Variants in KIRREL1 observed in about 807,000 individuals in gnomAD.
The protein encoded by KIRREL1 is kin of IRRE-like protein 1.
In KIRREL1, 25 loss-of-function variants were observed where a neutral mutation model predicts 83.3. That is an observed-to-expected ratio of 0.30 (90% CI 0.22 to 0.42). The LOEUF (loss-of-function observed/expected upper bound fraction) is 0.42. KIRREL1 is among the 10% of genes least tolerant of loss of function. The pLI is 1.00. For missense variants in KIRREL1, 812 were observed against 1,032.3 expected, an observed-to-expected ratio of 0.79 and a Z score of 2.92; for synonymous variants, 388 against 410.4, an observed-to-expected ratio of 0.95 and a Z score of 0.66.
intron 1 of KIRREL1, among the ~76,000 whole-genome samples, chr1:158,006,329 C>T (rs559593797): frequency 6.6e-6 from 1 of 152,302 alleles, no homozygotes; most frequent in South Asian, 2.1e-4. Context: ...TTCTTTGTGT[C>T]TAGCCTGAAC....
chr1:157,994,218 C>G (rs913301838), intron 1 of KIRREL1, among the ~76,000 whole-genome samples: 2 of 152,148 alleles, frequency 1.3e-5, no homozygotes, highest in Admixed American at 1.3e-4. Flanking sequence ...CCAGCCCAGC[C>G]CCTCGGGGGT....
chr1:158,018,814 T>C (rs1454666577), intron 1 of KIRREL1, among the ~76,000 whole-genome samples: 1 of 152,184 alleles, frequency 6.6e-6, no homozygotes, highest in Non-Finnish European at 1.5e-5. Flanking sequence ...AATCCCAGGC[T>C]GCTTTTTGCC....
intron 1 of KIRREL1, among the ~76,000 whole-genome samples, chr1:158,031,725 C>T (rs1660331834): frequency 1.3e-5 from 2 of 152,126 alleles, no homozygotes; most frequent in South Asian, 2.1e-4. Flanking sequence ...AGTTTTAGTC[C>T]TTGTATTTTG....
intron 1 of KIRREL1, among the ~76,000 whole-genome samples, chr1:158,014,068 G>A (rs1659758235): frequency 6.6e-6 from 1 of 152,100 alleles, no homozygotes; most frequent in Admixed American, 6.5e-5. Context: ...AGATATGGGA[G>A]AGGGCTTAGT....
At chr1:158,002,361 C>A (rs1391848378) in intron 1 of KIRREL1, among the ~76,000 whole-genome samples, 7 of 152,190 alleles carry the variant, frequency 4.6e-5, no homozygotes, top group South Asian at 2.1e-4. Context: ...CGGGTTTAGT[C>A]CCTTCAGGGT....
At chr1:158,086,423 A>AACACACACACACAC (rs61585802) in intron 4 of KIRREL1, among the ~76,000 whole-genome samples, 173 bp from the exon 5 acceptor site, 1 of 148,294 alleles carries the variant, frequency 6.7e-6, no homozygotes, top group Non-Finnish European at 1.5e-5. Context: ...CTATTGATTA[A>AACACACACACACAC]ACACACACAC....
At chr1:158,066,161 A>T (rs1393405826) in intron 1 of KIRREL1, among the ~76,000 whole-genome samples, 1 of 152,022 alleles carries the variant, frequency 6.6e-6, no homozygotes, top group Non-Finnish European at 1.5e-5. Context: ...TGCCAAAGCC[A>T]CCGGGAATTT....
rs115936398 is a variant in KIRREL1, at chr1:157,996,870, C to A, written c.52+3142C>A. ...TGAACCAAGTACTCAGTGCCTCAGC[C>A]CTGGGCCCCAGAGCACCTGGTCAGG... On this transcript the variant is annotated intron_variant, in intron 1 of 14. Coordinates refer to ENST00000359209, the MANE Select transcript of KIRREL1 (RefSeq NM_018240.7). 7.0e-3 allele frequency among the ~76,000 whole-genome samples: 1,070 copies of A among 152,150 alleles called. 13 individuals are homozygous for A. The highest frequency in any genetic ancestry group is 0.025 in the African/African-American group (1,024 of 41,498).
chr1:158,092,622 C>T (rs1443798322), intron 11 of KIRREL1, among the ~76,000 whole-genome samples: 2 of 152,196 alleles, frequency 1.3e-5, no homozygotes, highest in East Asian at 3.9e-4. Flanking sequence ...GCTGGGATTA[C>T]AGGCATGAGC....
intron 1 of KIRREL1, among the ~76,000 whole-genome samples, chr1:158,056,575 G>C (rs1299828440): frequency 6.6e-6 from 1 of 152,150 alleles, no homozygotes; most frequent in East Asian, 1.9e-4. Context: ...TGTGCCTATG[G>C]CCTTCACCCT....
chr1:158,047,588 G>T (rs1660808328), intron 1 of KIRREL1, among the ~76,000 whole-genome samples: 1 of 152,146 alleles, frequency 6.6e-6, no homozygotes, highest in East Asian at 1.9e-4. Flanking sequence ...TATATGGGCG[G>T]TGCTTTATCA....
intron 1 of KIRREL1, among the ~76,000 whole-genome samples, chr1:158,056,061 G>A (rs1163758592): frequency 2.0e-5 from 3 of 152,178 alleles, no homozygotes; most frequent in African/African-American, 7.2e-5. Flanking sequence ...AGTGAGGACA[G>A]GATGCAGCTC....
At chr1:158,010,314 G>C (rs1338820226) in intron 1 of KIRREL1, among the ~76,000 whole-genome samples, 1 of 141,176 alleles carries the variant, frequency 7.1e-6, no homozygotes, top group African/African-American at 2.7e-5. Context: ...GAGAGCAGGA[G>C]TCCCCACCAT....
intron 1 of KIRREL1, among the ~76,000 whole-genome samples, chr1:158,002,282 C>T (rs1000247226): frequency 1.3e-5 from 2 of 152,222 alleles, no homozygotes; most frequent in African/African-American, 2.4e-5. Flanking sequence ...CCTGTCCCCC[C>T]CAAGCTTGGG....
At chr1:158,015,854 C>T (rs951832230) in intron 1 of KIRREL1, among the ~76,000 whole-genome samples, 1 of 152,166 alleles carries the variant, frequency 6.6e-6, no homozygotes, top group African/African-American at 2.4e-5. Context: ...TCTTTCCCTG[C>T]TTCCCTAATC....
chr1:158,087,054 T>C (rs758441479), intron 5 of KIRREL1, among the ~76,000 whole-genome samples: 1 of 152,172 alleles, frequency 6.6e-6, no homozygotes, highest in Non-Finnish European at 1.5e-5. Flanking sequence ...AATACTGGCC[T>C]ACAGTCCCTT....
In KIRREL1 at chr1:158,093,362, G is replaced by A. The variant is rs1662255933; in HGVS notation, c.1495G>A (p.Ala499Thr). 1 of 1,614,206 alleles carries A rather than the reference G, an allele frequency of 6.2e-7. No individual in the cohort carries two copies. The part of the protein sequence containing the change: ...EREVLPVGII[A>T]GATIGASILL... ...AGAGGTGTTACCTGTGGGCATCATA[G>A]CTGGGGCCACCATCGGCGCGAGCAT... The change falls in exon 12 of 15, where the codon GCT becomes ACT. Residue 499 changes from alanine to threonine, a missense_variant. Physicochemically the swap from Ala to Thr is moderately conservative, Grantham distance 58. Coordinates refer to ENST00000359209, the MANE Select transcript of KIRREL1 (RefSeq NM_018240.7).
chr1:158,057,879 G>A (rs983214537), intron 1 of KIRREL1, among the ~76,000 whole-genome samples: 4 of 152,158 alleles, frequency 2.6e-5, no homozygotes, highest in African/African-American at 9.7e-5. Context: ...TGGAAAACGA[G>A]GCCATTGAAA....
chr1:158,012,721 A>G (rs1266189069), intron 1 of KIRREL1, among the ~76,000 whole-genome samples: 3 of 152,228 alleles, frequency 2.0e-5, no homozygotes, highest in Admixed American at 6.5e-5. Flanking sequence ...AAGTTAATGT[A>G]AAGTCTATAG....
Sources: gnomAD v4.1 joint callset for allele counts (sites outside exome capture counted in the v4.1 genomes callset) on GRCh38, gnomAD v4.1.1 for gene constraint, MANE v1.5 for transcripts, NCBI Gene and HGNC (gene_info 2026-07-23, HGNC 2026-07-21) for gene names.